FSTL4: variants seen among roughly 807,000 people sequenced by gnomAD.
FSTL4 encodes the protein follistatin like 4.
A neutral mutation model predicts 78.2 loss-of-function variants in FSTL4; 28 were observed. That is an observed-to-expected ratio of 0.36 (90% CI 0.27 to 0.49). The LOEUF (loss-of-function observed/expected upper bound fraction) is 0.49, where lower values mean the gene tolerates loss of function less well. FSTL4 is among the 20% of genes least tolerant of loss of function. FSTL4 has a pLI of 0.98. For synonymous variants in FSTL4, 422 were observed against 440.5 expected, an observed-to-expected ratio of 0.96 and a Z score of 0.53; for missense variants, 922 against 1,084.9, an observed-to-expected ratio of 0.85 and a Z score of 2.11.
chr5:133,526,598 TCA>T (rs979572868), intron 3 of FSTL4, among the ~76,000 whole-genome samples: 20 of 152,238 alleles, frequency 1.3e-4, no homozygotes, highest in African/African-American at 4.8e-4. Flanking sequence ...GATTAGCTTA[TCA>T]CACACACTCC....
chr5:133,715,123 T>C, the FSTL4 span, among the ~76,000 whole-genome samples: 1 of 152,242 alleles, frequency 6.6e-6, no homozygotes, highest in African/African-American at 2.4e-5. Context: ...AAAACTTGTG[T>C]TGTCTTTCAA....
chr5:133,792,824 A>G, the FSTL4 span, among the ~76,000 whole-genome samples: 2 of 152,220 alleles, frequency 1.3e-5, no homozygotes, highest in Non-Finnish European at 2.9e-5. Flanking sequence ...TTATTTGCTC[A>G]TAAACATTAA....
chr5:133,228,223 T>C (rs780029005), intron 8 of FSTL4, among the ~76,000 whole-genome samples: 3 of 151,994 alleles, frequency 2.0e-5, no homozygotes, highest in Non-Finnish European at 4.4e-5. Context: ...CAAGAACCTC[T>C]CTCAAATAAT....
intron 5 of FSTL4, among the ~76,000 whole-genome samples, chr5:133,314,989 A>T (rs1388141975): frequency 6.6e-6 from 1 of 152,002 alleles, no homozygotes; most frequent in East Asian, 1.9e-4. Flanking sequence ...TGGTGAAACC[A>T]TATCTCTACT....
Position 133,400,871 on chromosome 5 carries a change from T to C in FSTL4, c.276A>G (p.Ala92=), listed in dbSNP as rs767829385. The C allele has an allele frequency of 1.2e-6, 2 of 1,613,832 alleles. No individual in the cohort carries two copies. The highest frequency in any genetic ancestry group is 1.3e-5 in the African/African-American group (1 of 74,940). The change falls in exon 4 of 16, where the codon GCA becomes GCG. Residue 92 remains alanine, a synonymous_variant. Coordinates refer to ENST00000265342, the MANE Select transcript of FSTL4 (RefSeq NM_015082.2). ...TGEPECQCLE[A]CRPSYVPVCG... The stretch of plus-strand genomic sequence containing the variant: ...ACACAGGCACGTAGCTGGGCCTGCA[T>C]GCCTCCAGGCACTGGCATTCGGGCT...
intron 4 of FSTL4, among the ~76,000 whole-genome samples, chr5:133,320,353 A>G (rs1467852225): frequency 6.6e-6 from 1 of 152,200 alleles, no homozygotes; most frequent in African/African-American, 2.4e-5. Context: ...GGGGTCAGAT[A>G]GGAGTGACTT....
At chr5:133,794,370 C>T in the FSTL4 span, among the ~76,000 whole-genome samples, 2 of 152,352 alleles carry the variant, frequency 1.3e-5, no homozygotes, top group South Asian at 4.1e-4. Context: ...GGGGCTGTCC[C>T]CAGGAAATCA....
At chr5:133,704,305 A>G in the FSTL4 span, among the ~76,000 whole-genome samples, 1 of 152,236 alleles carries the variant, frequency 6.6e-6, no homozygotes, top group Non-Finnish European at 1.5e-5. Context: ...GCTTCATGGA[A>G]TTGACTGGCA....
chr5:133,805,515 G>C, the FSTL4 span, among the ~76,000 whole-genome samples: 2 of 152,134 alleles, frequency 1.3e-5, no homozygotes, highest in Non-Finnish European at 2.9e-5. Flanking sequence ...GAGAGGATGG[G>C]GTTGTTTCCT....
chr5:133,672,939 T>C, the FSTL4 span, among the ~76,000 whole-genome samples: 1 of 152,180 alleles, frequency 6.6e-6, no homozygotes, highest in Non-Finnish European at 1.5e-5. Flanking sequence ...TTTATACATT[T>C]AGGGAGACAT....
At chr5:133,379,363 A>ATAAG (rs1259934657) in intron 4 of FSTL4, among the ~76,000 whole-genome samples, 2 of 152,150 alleles carry the variant, frequency 1.3e-5, no homozygotes, top group Non-Finnish European at 2.9e-5. Context: ...AAGATCAACA[A>ATAAG]GAAAATAAAA....
chr5:133,516,829 AG>A (rs1432809549), intron 3 of FSTL4, among the ~76,000 whole-genome samples: 4 of 152,220 alleles, frequency 2.6e-5, no homozygotes, highest in Non-Finnish European at 2.9e-5. Context: ...ACATGTAAAT[AG>A]GGTGTCATTT....
chr5:133,514,120 A>G (rs1162892356), intron 3 of FSTL4, among the ~76,000 whole-genome samples: 1 of 151,386 alleles, frequency 6.6e-6, no homozygotes, highest in Admixed American at 6.6e-5. Context: ...CGGAGCTTGC[A>G]ATGAGCCGAG....
chr5:133,628,788 T>A, the FSTL4 span, among the ~76,000 whole-genome samples: 5 of 152,050 alleles, frequency 3.3e-5, no homozygotes, highest in Non-Finnish European at 7.4e-5. Flanking sequence ...AATAAAAAAA[T>A]AAAAAAATAG....
At chr5:133,721,699 T>C in the FSTL4 span, among the ~76,000 whole-genome samples, 2 of 152,248 alleles carry the variant, frequency 1.3e-5, no homozygotes, top group Admixed American at 6.5e-5. Flanking sequence ...CTCTTGCTGC[T>C]TTTAAAATTC....
intron 8 of FSTL4, among the ~76,000 whole-genome samples, chr5:133,228,961 G>A (rs890456426): frequency 2.9e-4 from 44 of 152,294 alleles, no homozygotes; most frequent in African/African-American, 1.0e-3. Flanking sequence ...TTATATCCAG[G>A]TAATGCACCA....
At chr5:133,837,309 T>C in the FSTL4 span, among the ~76,000 whole-genome samples, 1 of 152,186 alleles carries the variant, frequency 6.6e-6, no homozygotes, top group Non-Finnish European at 1.5e-5. Context: ...GTCTCAATGT[T>C]GTTGCTCAAA....
At chr5:133,489,311 C>T (rs768257346) in intron 3 of FSTL4, among the ~76,000 whole-genome samples, 54 of 152,118 alleles carry the variant, frequency 3.5e-4, no homozygotes, top group Admixed American at 7.2e-4. Context: ...TCATGAGAGG[C>T]GAGGAAGAAC....
the FSTL4 span, among the ~76,000 whole-genome samples, chr5:133,761,800 T>C: frequency 1.6e-3 from 247 of 152,342 alleles, 1 homozygote; most frequent in Middle Eastern, 6.8e-3. Context: ...GCAAGCTTTC[T>C]AGCCATCCAT....
Sources: allele counts gnomAD v4.1 joint callset (sites outside exome capture counted in the v4.1 genomes callset), GRCh38; gene constraint gnomAD v4.1.1; transcripts MANE v1.5; gene names NCBI Gene and HGNC (gene_info 2026-07-23, HGNC 2026-07-21).